SV2C: variants seen among roughly 807,000 people sequenced by gnomAD.
The protein encoded by SV2C is solute carrier family 22 member B3.
Under a neutral mutation model 79.7 loss-of-function variants are expected in SV2C, and 49 were observed. The ratio of observed to expected loss-of-function variants is 0.61; its 90% confidence interval spans 0.49 to 0.78. The LOEUF (loss-of-function observed/expected upper bound fraction) is 0.78. Ranked by LOEUF, SV2C falls within the 30% of genes least tolerant of loss-of-function variation. SV2C has a pLI of 0.00. For synonymous variants in SV2C, 334 were observed against 333.2 expected (o/e 1.00, Z -0.03); for missense variants, 833 against 912.9 (o/e 0.91, Z 1.13).
At chr5:75,905,303 G>C in the SV2C span, among the ~76,000 whole-genome samples, 1 of 152,164 alleles carries the variant, frequency 6.6e-6, no homozygotes, top group Admixed American at 6.6e-5. Flanking sequence ...TGTAATAACC[G>C]TCAAATGCCA....
the SV2C span, among the ~76,000 whole-genome samples, chr5:75,971,381 A>G: frequency 0.17 from 25,881 of 152,044 alleles, 3,035 homozygotes; most frequent in Non-Finnish European, 0.27. Context: ...GAGGAAGTCA[A>G]ATTGTCCCTG....
chr5:76,180,385 A>G (rs1743683246), intron 2 of SV2C, among the ~76,000 whole-genome samples: 1 of 152,252 alleles, frequency 6.6e-6, no homozygotes, highest in African/African-American at 2.4e-5. Context: ...GACAAGACAC[A>G]TAGTAGCACT....
In SV2C at chr5:76,285,846, G is replaced by T; in HGVS notation, c.1113G>T (p.Arg371=). ...KLIHDTNMRA[R]GQPEKVFTVN... Reference sequence around the variant, plus strand: ...TTCATGACACCAACATGAGAGCCCGGGGTCAGCCTGAGAAGGTCTTCACGG... The same window carrying T: ...TTCATGACACCAACATGAGAGCCCGTGGTCAGCCTGAGAAGGTCTTCACGG... Residue 371 remains arginine, a synonymous_variant, in exon 6 of 13, where the codon CGG becomes CGT. Coordinates refer to ENST00000502798, the MANE Select transcript of SV2C (RefSeq NM_014979.4). The T allele has an allele frequency of 1.9e-6, 3 of 1,614,078 alleles. No homozygotes were observed. The highest frequency in any genetic ancestry group is 2.5e-6 in the Non-Finnish European group (3 of 1,179,988).
At chr5:76,285,526 AT>A in intron 5 of SV2C, 1 of 650,074 alleles carries the variant, frequency 1.5e-6, no homozygotes, top group East Asian at 2.8e-5. Context: ...ACTTGGCTCA[AT>A]GAAGAAAACA....
intron 2 of SV2C, among the ~76,000 whole-genome samples, chr5:76,146,814 A>G (rs2112220497): frequency 6.7e-6 from 1 of 150,184 alleles, no homozygotes; most frequent in East Asian, 2.0e-4. Flanking sequence ...AAAAAAAAAA[A>G]AAAAAAGCCA....
chr5:76,249,416 G>T (rs1746045581), intron 4 of SV2C, among the ~76,000 whole-genome samples: 1 of 152,118 alleles, frequency 6.6e-6, no homozygotes, highest in Admixed American at 6.5e-5. Flanking sequence ...TTTAAAAAAA[G>T]ACCATGTGAA....
At chr5:75,899,003 T>G in the SV2C span, among the ~76,000 whole-genome samples, 1 of 152,208 alleles carries the variant, frequency 6.6e-6, no homozygotes, top group Non-Finnish European at 1.5e-5. Flanking sequence ...ATTTTGTTGA[T>G]CCTTTCAAAA....
At chr5:76,120,186 A>C (rs1236097610) in intron 1 of SV2C, among the ~76,000 whole-genome samples, 2 of 152,146 alleles carry the variant, frequency 1.3e-5, no homozygotes, top group African/African-American at 4.8e-5. Flanking sequence ...ACATTTCATA[A>C]ATCATCAGAG....
intron 3 of SV2C, among the ~76,000 whole-genome samples, chr5:76,199,376 A>G (rs1744365237): frequency 6.6e-6 from 1 of 152,106 alleles, no homozygotes; most frequent in Non-Finnish European, 1.5e-5. Context: ...CGCATTTCCT[A>G]GGAGTACAGT....
chr5:76,049,049 G>A, the SV2C span, among the ~76,000 whole-genome samples: 679 of 128,786 alleles, frequency 5.3e-3, 5 homozygotes, highest in African/African-American at 0.018. Context: ...AGGGAGGGGA[G>A]GGGAGGGGCT....
At chr5:76,202,938 A>T (rs1031806339) in intron 3 of SV2C, among the ~76,000 whole-genome samples, 1 of 152,250 alleles carries the variant, frequency 6.6e-6, no homozygotes, top group African/African-American at 2.4e-5. Flanking sequence ...TATTAAAATT[A>T]ACTTTACGTG....
At chr5:76,015,402 T>C in the SV2C span, among the ~76,000 whole-genome samples, 1 of 152,180 alleles carries the variant, frequency 6.6e-6, no homozygotes, top group African/African-American at 2.4e-5. Flanking sequence ...AGATGCACTT[T>C]GTTAATAATT....
At chr5:75,982,348 CA>C in the SV2C span, among the ~76,000 whole-genome samples, 3 of 151,974 alleles carry the variant, frequency 2.0e-5, no homozygotes, top group Non-Finnish European at 2.9e-5. Context: ...ACATGGCCAA[CA>C]ATCATATAAA....
chr5:75,891,552 T>G, the SV2C span, among the ~76,000 whole-genome samples: 1 of 152,270 alleles, frequency 6.6e-6, no homozygotes, highest in Non-Finnish European at 1.5e-5. Context: ...TTAACATTTT[T>G]GAATATCTTT....
At chr5:75,858,226 T>A in the SV2C span, among the ~76,000 whole-genome samples, 2 of 152,222 alleles carry the variant, frequency 1.3e-5, no homozygotes, top group African/African-American at 4.8e-5. Context: ...TTCAGCGTGA[T>A]GCTAGGTGTG....
upstream of SV2C, chr5:76,079,486 G>A (rs1330240868): frequency 7.1e-6 from 2 of 282,348 alleles, no homozygotes; most frequent in East Asian, 2.0e-4. Flanking sequence ...TGGATTGTGT[G>A]ACTAACGATT....
At chr5:76,198,992 T>C (rs114102837) in intron 3 of SV2C, among the ~76,000 whole-genome samples, 2,273 of 152,264 alleles carry the variant, frequency 0.015, 30 homozygotes, top group Non-Finnish European at 0.016. Context: ...GGCTTGGGAA[T>C]CTCAAAGAGG....
chr5:75,888,637 T>C, the SV2C span, among the ~76,000 whole-genome samples: 1 of 152,048 alleles, frequency 6.6e-6, no homozygotes. Flanking sequence ...AGAGAGTCCT[T>C]CTCTACCAAC....
At chr5:75,923,207 C>T in the SV2C span, among the ~76,000 whole-genome samples, 2 of 152,136 alleles carry the variant, frequency 1.3e-5, no homozygotes, top group African/African-American at 4.8e-5. Context: ...GGAAAACTGG[C>T]AAGCCACATG....
Sources: gnomAD v4.1 joint callset for allele counts (sites outside exome capture counted in the v4.1 genomes callset) on GRCh38, gnomAD v4.1.1 for gene constraint, MANE v1.5 for transcripts, NCBI Gene and HGNC (gene_info 2026-07-23, HGNC 2026-07-21) for gene names.